The following TRMT11 variants were observed in gnomAD, a reference collection of about 807,000 sequenced individuals.
The protein encoded by TRMT11 is tRNA (guanine(10)-N(2))-methyltransferase TRMT11.
TRMT11 carries 53 observed loss-of-function variants against 62.8 expected under a neutral mutation model. The ratio of observed to expected loss-of-function variants is 0.84; its 90% CI spans 0.68 to 1.06. The LOEUF is 1.06. Ranked by LOEUF, TRMT11 falls within the 50% of genes least tolerant of loss-of-function variation. TRMT11 has a pLI of 0.00. For synonymous variants in TRMT11, 188 were observed against 190.3 expected, an observed-to-expected ratio of 0.99 and a Z score of 0.10; for missense variants, 556 against 553.4, an observed-to-expected ratio of 1.00 and a Z score of -0.05.
At chr6:126,025,296 C>T (rs1229019556) in intron 12 of TRMT11, among the ~76,000 whole-genome samples, 2 of 152,036 alleles carry the variant, frequency 1.3e-5, no homozygotes, top group South Asian at 2.1e-4. Context: ...GAAAACTGGG[C>T]TTTTGAGAAT....
chr6:126,266,749 G>T, the TRMT11 span, among the ~76,000 whole-genome samples: 1 of 152,116 alleles, frequency 6.6e-6, no homozygotes, highest in East Asian at 1.9e-4. Flanking sequence ...ATAATCAACT[G>T]TTTCCAGGGA....
At chr6:126,059,887 T>C (rs1304198406) in intron 17 of TRMT11, among the ~76,000 whole-genome samples, 1 of 152,180 alleles carries the variant, frequency 6.6e-6, no homozygotes, top group Non-Finnish European at 1.5e-5. Flanking sequence ...TAAATCCTCC[T>C]TCACAAAACC....
intron 21 of TRMT11, among the ~76,000 whole-genome samples, chr6:126,147,485 A>G (rs1777986907): frequency 6.6e-6 from 1 of 152,204 alleles, no homozygotes; most frequent in Non-Finnish European, 1.5e-5. Context: ...CCTAGAGACA[A>G]CATCAAATTG....
upstream of TRMT11, among the ~76,000 whole-genome samples, chr6:126,175,725 C>T (rs952336751): frequency 6.6e-6 from 1 of 152,174 alleles, no homozygotes; most frequent in South Asian, 2.1e-4. Flanking sequence ...TGAATATCAT[C>T]AACTCATATA....
intron 1 of TRMT11, among the ~76,000 whole-genome samples, chr6:125,993,167 C>T (rs540026610): frequency 6.6e-6 from 1 of 152,086 alleles, no homozygotes; most frequent in African/African-American, 2.4e-5. Context: ...GTTAGTCATA[C>T]AAATTATAAA....
At chr6:125,989,124 C>CTTTTT (rs971479523) in intron 1 of TRMT11, among the ~76,000 whole-genome samples, 41 of 94,414 alleles carry the variant, frequency 4.3e-4, no homozygotes, top group South Asian at 7.0e-4. Context: ...AGTTTGGATT[C>CTTTTT]TTTTTTTTTT....
intron 17 of TRMT11, among the ~76,000 whole-genome samples, chr6:126,062,837 G>A (rs574466985): frequency 2.0e-5 from 3 of 152,236 alleles, no homozygotes; most frequent in African/African-American, 7.2e-5. Flanking sequence ...AAATAATACT[G>A]CCTTATAAAA....
the TRMT11 span, among the ~76,000 whole-genome samples, chr6:126,264,948 A>G: frequency 6.6e-6 from 1 of 152,220 alleles, no homozygotes; most frequent in African/African-American, 2.4e-5. Context: ...TCTGGAGAAC[A>G]TAGATGAATA....
chr6:126,217,371 T>C, the TRMT11 span, among the ~76,000 whole-genome samples: 1 of 152,304 alleles, frequency 6.6e-6, no homozygotes, highest in East Asian at 1.9e-4. Context: ...GTACCCATTT[T>C]TCTTGGGAAG....
At position 126,093,612 on chromosome 6, in the gene TRMT11, TATATATATATA is replaced by T. The variant is rs1244997733; in HGVS notation, c.*1438-19253_*1438-19243del. Among the ~76,000 whole-genome samples, 270 of 93,946 alleles carry T rather than the reference TATATATATATA, an allele frequency of 2.9e-3. 16 individuals are homozygous for T. Among genetic ancestry groups the T allele is most frequent in the African/African-American group, 8.4e-3 (131 of 15,620 alleles). 61.6% of individuals were successfully genotyped at this position (93,946 alleles called of 152,430 possible). ...ATATATATATATATATATATATATA[TATATATATATA>T]TATATATATTTTCCCCCAGTCCTGG... On this transcript the variant is annotated intron_variant and NMD_transcript_variant, in intron 17 of 22. Transcript: ENST00000648977.
the TRMT11 span, among the ~76,000 whole-genome samples, chr6:126,227,495 T>C: frequency 4.6e-5 from 7 of 152,178 alleles, no homozygotes; most frequent in South Asian, 4.1e-4. Context: ...AGAACCTGAA[T>C]TTGGATATAT....
chr6:126,001,309 G>C (rs1792439176), intron 7 of TRMT11, among the ~76,000 whole-genome samples: 1 of 151,982 alleles, frequency 6.6e-6, no homozygotes, highest in Admixed American at 6.6e-5. Flanking sequence ...TTGGAACACA[G>C]CCAAAGTCTT....
chr6:126,175,186 A>G (rs1778371718), upstream of TRMT11, among the ~76,000 whole-genome samples: 3 of 152,324 alleles, frequency 2.0e-5, no homozygotes, highest in South Asian at 6.2e-4. Flanking sequence ...GAACCCAGGT[A>G]TTCTTGTCAA....
At chr6:126,204,025 C>T (rs1207999836), downstream of TRMT11, among the ~76,000 whole-genome samples, 4 of 151,658 alleles carry the variant, frequency 2.6e-5, no homozygotes, top group Non-Finnish European at 4.4e-5. Flanking sequence ...ACCAACTAAC[C>T]AGGCAAAAAA....
chr6:126,221,071 G>A, the TRMT11 span, among the ~76,000 whole-genome samples: 1 of 152,174 alleles, frequency 6.6e-6, no homozygotes, highest in African/African-American at 2.4e-5. Flanking sequence ...CTCTATCCAT[G>A]TTGCTGCAAA....
chr6:126,223,654 T>C, the TRMT11 span, among the ~76,000 whole-genome samples: 3 of 152,164 alleles, frequency 2.0e-5, no homozygotes, highest in South Asian at 2.1e-4. Context: ...GCTTGTCTTG[T>C]ATAGTATCTT....
the TRMT11 span, among the ~76,000 whole-genome samples, chr6:126,249,943 C>T: frequency 3.5e-4 from 53 of 152,082 alleles, no homozygotes; most frequent in African/African-American, 1.2e-3. Flanking sequence ...AAATTACATA[C>T]GATGCACACA....
intron 1 of TRMT11, among the ~76,000 whole-genome samples, chr6:125,992,951 G>C (rs889991672): frequency 6.6e-6 from 1 of 152,192 alleles, no homozygotes; most frequent in Admixed American, 6.5e-5. Flanking sequence ...TCTTGGTCTT[G>C]GAGTGGGGGA....
At chr6:126,134,056 A>G (rs1777821370) in intron 21 of TRMT11, among the ~76,000 whole-genome samples, 1 of 151,938 alleles carries the variant, frequency 6.6e-6, no homozygotes, top group Non-Finnish European at 1.5e-5. Context: ...CAAAAAATTA[A>G]TAAGATTTTT....
Sources: gnomAD v4.1 joint callset for allele counts (sites outside exome capture counted in the v4.1 genomes callset) on GRCh38, gnomAD v4.1.1 for gene constraint, MANE v1.5 for transcripts, NCBI Gene and HGNC (gene_info 2026-07-23, HGNC 2026-07-21) for gene names.